XPOT: variants seen among roughly 807,000 people sequenced by gnomAD.
XPOT encodes exportin-T.
A neutral mutation model predicts 128.2 loss-of-function variants in XPOT; 34 were observed. The observed-to-expected ratio is 0.27, with a 90% CI of 0.20 to 0.35. The LOEUF (loss-of-function observed/expected upper bound fraction) is 0.35, where lower values mean the gene tolerates loss of function less well. Ranked by LOEUF, XPOT falls within the 10% of genes least tolerant of loss-of-function variation. XPOT has a pLI of 1.00. For missense variants in XPOT, 838 were observed against 1,125.3 expected (o/e 0.74, Z 3.65); for synonymous variants, 348 against 394.3 (o/e 0.88, Z 1.39).
chr12:64,438,769 A>G (rs1246491803), intron 22 of XPOT, among the ~76,000 whole-genome samples: 3 of 152,000 alleles, frequency 2.0e-5, no homozygotes, highest in Non-Finnish European at 4.4e-5. Flanking sequence ...CTGGGATTAC[A>G]GGCATGCGCC....
rs1281688490 is a variant in XPOT, at chr12:64,426,090, A to G, written c.1667+181A>G. ...CCCAACACTCTGGGAGGCCGATCAC[A>G]AGGTCAGGAGTTGGAGACCAGCCTG... On this transcript the variant is annotated intron_variant, in intron 15 of 24. Transcript: ENST00000332707. 7.9e-5 allele frequency among the ~76,000 whole-genome samples: 12 copies of G among 152,076 alleles called. No individual in the cohort carries two copies. In the East Asian group the frequency reaches 2.1e-3, roughly 27 times the overall value.
At chr12:64,434,356 T>C (rs1051515268) in intron 19 of XPOT, 151 bp from the exon 20 acceptor site, 1 of 585,374 alleles carries the variant, frequency 1.7e-6, no homozygotes, top group Non-Finnish European at 3.1e-6. Context: ...CAAGGGATTT[T>C]GGCAATTCTG....
At chr12:64,424,311 T>C (rs2040170158) in intron 11 of XPOT, among the ~76,000 whole-genome samples, 1 of 152,206 alleles carries the variant, frequency 6.6e-6, no homozygotes, top group African/African-American at 2.4e-5. Context: ...GAAATACTTA[T>C]TTGTGAGCTG....
At position 64,433,508 on chromosome 12, in the gene XPOT, C is replaced by T; in HGVS notation, c.2357C>T (p.Ser786Phe). The change falls in exon 19 of 25, where the codon TCT (serine) becomes TTT (phenylalanine). Residue 786 changes from serine (S) to phenylalanine (F), a missense_variant. Transcript: ENST00000332707. ...LLRPAEENDQSAALEKQMLRR... is the reference protein window; with the variant it reads ...LLRPAEENDQFAALEKQMLRR... ...CGGCCAGCAGAAGAAAATGACCAGTCTGCTGCTTTAGAGAAGCAGATGTTG... is the reference window on the plus strand; with the variant it reads ...CGGCCAGCAGAAGAAAATGACCAGTTTGCTGCTTTAGAGAAGCAGATGTTG... 6.2e-7 allele frequency: 1 copy of T among 1,612,956 alleles called. No homozygotes were observed. Among genetic ancestry groups the T allele is most frequent in the Non-Finnish European group, 8.5e-7 (1 of 1,179,340 alleles).
Position 64,410,086 on chromosome 12 carries a change from T to G in XPOT, c.51T>G (p.Phe17Leu). 1 of 1,613,804 alleles carries G rather than the reference T, an allele frequency of 6.2e-7. No homozygotes were observed. Among genetic ancestry groups the G allele is most frequent in the Non-Finnish European group, 8.5e-7 (1 of 1,179,944 alleles). Residue 17 changes from phenylalanine (F) to leucine (L), a missense_variant, in exon 2 of 25, where the codon TTT (phenylalanine) becomes TTG (leucine). Physicochemically the swap from Phe to Leu is conservative, Grantham distance 22. Transcript: ENST00000332707. ...TAAATCCAAATGCTGATTCAGACTT[T>G]AGACAAAGGGTAAGTTACTCTGCTG... ...LGLNPNADSD[F>L]RQRALAYFEQ...
intron 18 of XPOT, among the ~76,000 whole-genome samples, chr12:64,432,541 T>TA (rs2040248753): frequency 6.6e-6 from 1 of 152,188 alleles, no homozygotes; most frequent in African/African-American, 2.4e-5. Flanking sequence ...CCTGGCCACT[T>TA]ACATAGTACT....
intron 11 of XPOT, among the ~76,000 whole-genome samples, chr12:64,423,523 A>T (rs965552168): frequency 6.6e-6 from 1 of 151,842 alleles, no homozygotes; most frequent in South Asian, 2.1e-4. Flanking sequence ...GTGCCATCTC[A>T]GCTCACTGCA....
At chr12:64,446,513 C>T (rs941344864) in intron 24 of XPOT, among the ~76,000 whole-genome samples, 7 of 152,156 alleles carry the variant, frequency 4.6e-5, no homozygotes, top group Admixed American at 2.6e-4. Context: ...TCTCTCTTCT[C>T]TTGTTCTAGC....
chr12:64,408,580 A>G (rs1326903299), intron 1 of XPOT, among the ~76,000 whole-genome samples: 1 of 152,110 alleles, frequency 6.6e-6, no homozygotes, highest in African/African-American at 2.4e-5. Context: ...GAATGTTGGA[A>G]CCTATATTGT....
rs189709933 is a variant in XPOT at position 64,413,194 on chromosome 12, G to C, written c.61-1713G>C. Among the ~76,000 whole-genome samples, 116 of 152,200 alleles carry C rather than the reference G, an allele frequency of 7.6e-4. 1 individual carries two copies. The highest frequency in any genetic ancestry group is 6.8e-4 in the Non-Finnish European group (46 of 67,998). On this transcript the variant is annotated intron_variant, in intron 2 of 24. Transcript: ENST00000332707. ...CATTAACATAAACTCTGTTGACCCC[G>C]AAGTCTCTAGTGATCCTTCCACCTT...
At chr12:64,444,140 A>G (rs192455837) in intron 23 of XPOT, among the ~76,000 whole-genome samples, 2 of 152,272 alleles carry the variant, frequency 1.3e-5, no homozygotes, top group Admixed American at 6.5e-5. Context: ...ATTTTGCACA[A>G]TATTCTCTAT....
At chr12:64,415,031 G>A (rs368225863) in intron 3 of XPOT, 42 bp downstream of exon 3, 7 of 1,136,116 alleles carry the variant, frequency 6.2e-6, no homozygotes, top group Middle Eastern at 2.4e-4. Context: ...AAATTTCTGT[G>A]GACATGACAG....
intron 2 of XPOT, 99 bp downstream of exon 2, chr12:64,410,194 GA>G (rs2040024953): frequency 3.8e-6 from 4 of 1,050,004 alleles, no homozygotes; most frequent in Non-Finnish European, 5.7e-6. Flanking sequence ...ACTTTGGGTA[GA>G]AATGAACAGA....
In XPOT at chr12:64,424,723, A is replaced by C; in HGVS notation, c.1307A>C (p.Gln436Pro). ...SVRRVFSSTL[Q>P]NWQTTRFMEV... ...CGCAGAGTTTTTAGTTCTACACTGC[A>C]GTAAGTTTGTCATTACTTTTGTAAC... is the stretch of plus-strand genomic sequence containing the variant. The change falls in exon 12 of 25, where the codon CAG becomes CCG. Residue 436 changes from glutamine (Q) to proline (P), a missense_variant and splice_region_variant. By Grantham distance (76) the Gln-to-Pro change is moderately conservative (BLOSUM62 -1). Coordinates refer to ENST00000332707, the MANE Select transcript of XPOT (RefSeq NM_007235.6). 5.6e-6 allele frequency: 9 copies of C among 1,612,996 alleles called. No homozygotes were observed. In the Middle Eastern group the frequency reaches 1.5e-3, roughly 272 times the overall value.
chr12:64,422,660 A>G (rs2040149501), intron 9 of XPOT, among the ~76,000 whole-genome samples: 1 of 152,194 alleles, frequency 6.6e-6, no homozygotes, highest in South Asian at 2.1e-4. Flanking sequence ...GCACTTGGTA[A>G]GGCTGAGGCG....
At chr12:64,408,374 C>G (rs1339996356) in intron 1 of XPOT, among the ~76,000 whole-genome samples, 1 of 152,162 alleles carries the variant, frequency 6.6e-6, no homozygotes, top group Non-Finnish European at 1.5e-5. Flanking sequence ...TCCCAAAGTG[C>G]TGGGATTACA....
intron 4 of XPOT, among the ~76,000 whole-genome samples, chr12:64,417,099 C>T (rs111871212): frequency 0.05 from 7,547 of 152,242 alleles, 260 homozygotes; most frequent in East Asian, 0.17. Flanking sequence ...CACCTGTAAT[C>T]CCAGCTACTC....
intron 16 of XPOT, 48 bp from the exon 17 acceptor site, chr12:64,430,001 A>G (rs1472782348): frequency 1.4e-6 from 2 of 1,480,344 alleles, no homozygotes. Flanking sequence ...CATTAAATGA[A>G]GGGAACTCAA....
chr12:64,444,859 G>C (rs1012818180), intron 23 of XPOT, among the ~76,000 whole-genome samples: 3 of 151,802 alleles, frequency 2.0e-5, no homozygotes, highest in African/African-American at 7.3e-5. Context: ...TGTAATTCCA[G>C]CTTCTTGGGA....
Sources: gnomAD v4.1 joint callset for allele counts (sites outside exome capture counted in the v4.1 genomes callset) on GRCh38, gnomAD v4.1.1 for gene constraint, MANE v1.5 for transcripts, NCBI Gene and HGNC (gene_info 2026-07-23, HGNC 2026-07-21) for gene names.